The following ZNF334 variants were observed in gnomAD, a reference collection of about 807,000 sequenced individuals.
ZNF334 encodes the protein zinc finger protein 334.
ZNF334 carries 14 observed loss-of-function variants against 12.4 expected under a neutral mutation model. The observed-to-expected ratio is 1.13, with a 90% CI of 0.74 to 1.76. The LOEUF is 1.76. ZNF334 is among the 40% of genes most tolerant of loss of function. The probability of loss-of-function intolerance (pLI) is 0.00; values close to 1 mark genes in which losing one functional copy is unlikely to be tolerated. For synonymous variants in ZNF334, 273 were observed against 269.6 expected, an observed-to-expected ratio of 1.01 and a Z score of -0.12; for missense variants, 797 against 804.5, an observed-to-expected ratio of 0.99 and a Z score of 0.11.
the ZNF334 span, among the ~76,000 whole-genome samples, chr20:46,473,591 T>C: frequency 3.3e-5 from 5 of 152,248 alleles, no homozygotes; most frequent in South Asian, 2.1e-4. Context: ...AGATCATTTA[T>C]TCTTCATCCC....
the ZNF334 span, among the ~76,000 whole-genome samples, chr20:46,473,749 A>T: frequency 6.6e-6 from 1 of 152,238 alleles, no homozygotes; most frequent in Non-Finnish European, 1.5e-5. Flanking sequence ...CATTCTAGTG[A>T]GGAAGACAAA....
chr20:46,503,113 CAATT>C lies in ZNF334; in HGVS notation c.242-20_242-17del. On this transcript the variant is annotated splice_polypyrimidine_tract_variant and intron_variant, in intron 4 of 4. Coordinates refer to ENST00000692313, the MANE Select transcript of ZNF334 (RefSeq NM_001353824.2). Reference sequence around the variant, plus strand: ...TCATCAATGTCTAGAAAAAGGAACACAATTAACGGTAATTGGTGAGCCTTTATAT... The same window carrying C: ...TCATCAATGTCTAGAAAAAGGAACACAACGGTAATTGGTGAGCCTTTATAT... 1 of 1,571,390 alleles carries C rather than the reference CAATT, an allele frequency of 6.4e-7. No homozygotes were observed. The highest frequency in any genetic ancestry group is 8.6e-7 in the Non-Finnish European group (1 of 1,161,864).
chr20:46,488,845 T>C, the ZNF334 span, among the ~76,000 whole-genome samples: 1 of 151,698 alleles, frequency 6.6e-6, no homozygotes, highest in East Asian at 1.9e-4. Context: ...TTTGTTCCAT[T>C]ATCTTTTATG....
At chr20:46,511,719 T>A (rs1200158830) in intron 2 of ZNF334, among the ~76,000 whole-genome samples, 1 of 152,214 alleles carries the variant, frequency 6.6e-6, no homozygotes, top group African/African-American at 2.4e-5. Context: ...GTAATTACTG[T>A]GCTCTGCCTG....
the ZNF334 span, among the ~76,000 whole-genome samples, chr20:46,483,832 T>G: frequency 6.6e-6 from 1 of 152,242 alleles, no homozygotes; most frequent in Non-Finnish European, 1.5e-5. Context: ...TTTTCCCTTG[T>G]GTGAAAATCA....
At chr20:46,510,077 G>A (rs1013280571) in intron 2 of ZNF334, among the ~76,000 whole-genome samples, 2 of 152,180 alleles carry the variant, frequency 1.3e-5, no homozygotes, top group African/African-American at 2.4e-5. Context: ...CAGAGTGGTA[G>A]GAACTGAGAA....
chr20:46,507,178 G>A (rs969958000), intron 2 of ZNF334, among the ~76,000 whole-genome samples: 14 of 148,478 alleles, frequency 9.4e-5, no homozygotes, highest in African/African-American at 3.5e-4. Context: ...AAAGAGGAAA[G>A]GAAAAGAAAG....
chr20:46,510,854 T>C (rs112923401), intron 2 of ZNF334, among the ~76,000 whole-genome samples: 2 of 151,792 alleles, frequency 1.3e-5, no homozygotes, highest in African/African-American at 4.8e-5. Context: ...CAGCAGCACA[T>C]TGAGCAAGTT....
At chr20:46,479,930 T>A in the ZNF334 span, among the ~76,000 whole-genome samples, 3 of 152,244 alleles carry the variant, frequency 2.0e-5, no homozygotes, top group African/African-American at 4.8e-5. Context: ...GCCAATCAGA[T>A]AATTTTTGAA....
the ZNF334 span, among the ~76,000 whole-genome samples, chr20:46,480,017 T>C: frequency 4.6e-5 from 7 of 152,326 alleles, no homozygotes; most frequent in African/African-American, 1.4e-4. Context: ...ATTCCTTACA[T>C]GTATTGATCT....
rs2061193895 is a variant in ZNF334 at position 46,501,909 on chromosome 20, G to A, written c.1430C>T (p.Thr477Ile). Residue 477 changes from threonine (T) to isoleucine (I), a missense_variant, in exon 5 of 5, where the codon ACT becomes ATT. Physicochemically the swap from Thr to Ile is moderately conservative, Grantham distance 89 (BLOSUM62 -1). Transcript: ENST00000692313. ...TCCTGTGTGTGTTCTCTGATGTATA[G>A]TGAGTGTTGACTTATGGCAGAAAAA... Reference protein sequence around the residue: ...GKFFCHKSTLTIHQRTHTGEK... With the variant: ...GKFFCHKSTLIIHQRTHTGEK... The A allele has an allele frequency of 1.2e-6, 2 of 1,613,782 alleles. No homozygotes were observed. Among genetic ancestry groups the A allele is most frequent in the Non-Finnish European group, 1.7e-6 (2 of 1,179,924 alleles).
At chr20:46,490,916 A>T in the ZNF334 span, 1 of 152,346 alleles carries the variant, frequency 6.6e-6, no homozygotes, top group Non-Finnish European at 1.5e-5. Context: ...AGAATACCGA[A>T]CACATCGTAC....
In ZNF334 at chr20:46,502,464, G is replaced by A. The variant is rs1170952244; in HGVS notation, c.875C>T (p.Pro292Leu). ...TTTCCTGCATTCACTGCATTCATAGGGTCTCTCTCCAGTATGAATTCTTCG... is the reference window on the plus strand; with the variant it reads ...TTTCCTGCATTCACTGCATTCATAGAGTCTCTCTCCAGTATGAATTCTTCG... ...RHRRIHTGER[P>L]YECSECRKTF... The change falls in exon 5 of 5, where the codon CCC becomes CTC. Residue 292 changes from proline to leucine, a missense_variant. Coordinates refer to ENST00000692313, the MANE Select transcript of ZNF334 (RefSeq NM_001353824.2). The A allele has an allele frequency of 1.2e-6, 2 of 1,613,952 alleles. No homozygotes were observed. Among genetic ancestry groups the A allele is most frequent in the Non-Finnish European group, 1.7e-6 (2 of 1,179,936 alleles).
chr20:46,479,410 T>C, the ZNF334 span, among the ~76,000 whole-genome samples: 1 of 152,132 alleles, frequency 6.6e-6, no homozygotes, highest in Non-Finnish European at 1.5e-5. Context: ...ACAATCATCA[T>C]GGGAAGGGAG....
chr20:46,469,511 G>A, the ZNF334 span, among the ~76,000 whole-genome samples: 1 of 151,330 alleles, frequency 6.6e-6, no homozygotes, highest in Non-Finnish European at 1.5e-5. Flanking sequence ...TGAGACTACA[G>A]GTGCCCACCA....
chr20:46,496,262 T>C (rs757530004), downstream of ZNF334, among the ~76,000 whole-genome samples: 84 of 152,186 alleles, frequency 5.5e-4, 1 homozygote, highest in Non-Finnish European at 1.9e-4. Context: ...AGGCATGCTG[T>C]AACAGTGTCA....
At position 46,502,910 on chromosome 20, in the gene ZNF334, CA is replaced by C. The variant is rs1194774983; in HGVS notation, c.428del (p.Leu143Ter). The C allele has an allele frequency of 6.2e-7, 1 of 1,613,834 alleles. No homozygotes were observed. The highest frequency in any genetic ancestry group is 1.1e-5 in the South Asian group (1 of 91,012). On this transcript the variant is annotated frameshift_variant, in exon 5 of 5. Coordinates refer to ENST00000692313, the MANE Select transcript of ZNF334 (RefSeq NM_001353824.2). LOFTEE classifies it low-confidence loss of function (END_TRUNC). ...PYKCNPGGNS[L>X]KTNSEVIVAK... ...CAACAATTACTTCTGAATTAGTTTTCAAACTGTTTCCTCCTGGATTACATTT... is the reference window on the plus strand; with the variant it reads ...CAACAATTACTTCTGAATTAGTTTTCAACTGTTTCCTCCTGGATTACATTT...
At chr20:46,503,689 A>G (rs1326982366) in intron 4 of ZNF334, among the ~76,000 whole-genome samples, 2 of 152,162 alleles carry the variant, frequency 1.3e-5, no homozygotes, top group Non-Finnish European at 2.9e-5. Context: ...CAAGCAGGAT[A>G]CCCAGGGCAC....
At chr20:46,470,064 AG>A in the ZNF334 span, among the ~76,000 whole-genome samples, 1 of 152,212 alleles carries the variant, frequency 6.6e-6, no homozygotes, top group Non-Finnish European at 1.5e-5. Flanking sequence ...CAGAGCTCCT[AG>A]GACAATACCC....
Sources: allele counts gnomAD v4.1 joint callset (sites outside exome capture counted in the v4.1 genomes callset), GRCh38; gene constraint gnomAD v4.1.1; transcripts MANE v1.5; gene names NCBI Gene and HGNC (gene_info 2026-07-23, HGNC 2026-07-21).